The following FABP6 variants were observed in gnomAD, a reference collection of about 807,000 sequenced individuals.
FABP6 encodes fatty acid binding protein 6.
In FABP6, 13 loss-of-function variants were observed where a neutral mutation model predicts 14.9. That is an observed-to-expected ratio of 0.87 (90% CI 0.57 to 1.39). The LOEUF (loss-of-function observed/expected upper bound fraction) is 1.39, where lower values mean the gene tolerates loss of function less well. Ranked by LOEUF, FABP6 falls within the 40% of genes most tolerant of loss-of-function variation. The pLI is 0.00. For synonymous variants in FABP6, 75 were observed against 63.6 expected (o/e 1.18, Z -0.85); for missense variants, 161 against 167.2 (o/e 0.96, Z 0.20).
At chr5:160,193,744 G>A (rs1161824613) in intron 1 of FABP6, among the ~76,000 whole-genome samples, 1 of 152,138 alleles carries the variant, frequency 6.6e-6, no homozygotes, top group South Asian at 2.1e-4. Context: ...GAGCTAGATA[G>A]AGAGTGCCGA....
At chr5:160,221,343 C>T (rs1246167976) in intron 3 of FABP6, among the ~76,000 whole-genome samples, 3 of 151,944 alleles carry the variant, frequency 2.0e-5, no homozygotes, top group Non-Finnish European at 4.4e-5. Flanking sequence ...ATCAAAAAAG[C>T]CTGATTGGAG....
At chr5:160,208,811 C>T (rs1278667862) in intron 2 of FABP6, among the ~76,000 whole-genome samples, 2 of 147,560 alleles carry the variant, frequency 1.4e-5, no homozygotes, top group African/African-American at 2.5e-5. Context: ...GAGTCTCACT[C>T]TGTTGCCCAG....
At chr5:160,195,599 C>T (rs947373956) in intron 1 of FABP6, 2 of 152,272 alleles carry the variant, frequency 1.3e-5, no homozygotes, top group African/African-American at 4.8e-5. Context: ...AGACTACAGT[C>T]ATGCACCACC....
intron 3 of FABP6, among the ~76,000 whole-genome samples, chr5:160,236,352 G>A (rs569371613): frequency 4.6e-5 from 7 of 152,172 alleles, no homozygotes; most frequent in Admixed American, 4.6e-4. Context: ...ATCCTTCATG[G>A]GGACTCCACT....
At chr5:160,212,994 G>T (rs1294618185) in intron 2 of FABP6, among the ~76,000 whole-genome samples, 1 of 152,182 alleles carries the variant, frequency 6.6e-6, no homozygotes, top group Non-Finnish European at 1.5e-5. Flanking sequence ...GAAGGCACAT[G>T]AGCTGGGTAG....
At chr5:160,236,457 G>A (rs998336359) in intron 3 of FABP6, among the ~76,000 whole-genome samples, 5 of 152,084 alleles carry the variant, frequency 3.3e-5, no homozygotes, top group South Asian at 2.1e-4. Flanking sequence ...GGGGACACAC[G>A]CGCAGTCCAT....
chr5:160,195,480 G>A (rs1759491728), intron 1 of FABP6, among the ~76,000 whole-genome samples: 1 of 151,884 alleles, frequency 6.6e-6, no homozygotes, highest in Admixed American at 6.6e-5. Flanking sequence ...TTTGAGACAG[G>A]GACACGTTCT....
intron 3 of FABP6, among the ~76,000 whole-genome samples, chr5:160,238,373 G>A (rs191418011): frequency 6.6e-6 from 1 of 152,292 alleles, no homozygotes; most frequent in East Asian, 1.9e-4. Context: ...AGGAAAAGAG[G>A]TGCAGGGTTC....
intron 3 of FABP6, among the ~76,000 whole-genome samples, chr5:160,219,740 C>T (rs991796193): frequency 5.9e-5 from 9 of 152,124 alleles, no homozygotes; most frequent in Admixed American, 1.3e-4. Flanking sequence ...GGGAGTTAAG[C>T]GGGGGCCTGG....
chr5:160,216,883 T>C (rs985589526), intron 3 of FABP6, among the ~76,000 whole-genome samples: 1 of 152,170 alleles, frequency 6.6e-6, no homozygotes, highest in African/African-American at 2.4e-5. Context: ...GCAATCAGTC[T>C]CCAAGACCCT....
At chr5:160,215,064 TA>T (rs1307075743) in intron 3 of FABP6, among the ~76,000 whole-genome samples, 8 of 152,186 alleles carry the variant, frequency 5.3e-5, no homozygotes, top group African/African-American at 1.9e-4. Context: ...TGTTAACACA[TA>T]GTTTTGAATA....
Position 160,191,679 on chromosome 5 carries a change from C to T in FABP6, c.-59+4225C>T, listed in dbSNP as rs1436956769. On this transcript the variant is annotated intron_variant, in intron 1 of 6. Coordinates refer to the FABP6 transcript ENST00000393980. ...AAGGCTGGTGTTGAGATCCTGGGCT[C>T]GGCCGGGCGCGGTGGCTCACGCCTG... 4.0e-5 allele frequency among the ~76,000 whole-genome samples: 6 copies of T among 151,384 alleles called. No homozygotes were observed. In the South Asian group the frequency reaches 8.4e-4, roughly 21 times the overall value.
rs182555455 is a variant in FABP6, at chr5:160,190,358, G to A, written c.-59+2904G>A. On this transcript the variant is annotated intron_variant, in intron 1 of 6. Coordinates refer to the FABP6 transcript ENST00000393980. ...AGTGATTCTCCTCCCTTAGCCTCCC[G>A]AGTAGCTGGGATTACAGGCATGCAC... Among the ~76,000 whole-genome samples, 1,039 of 152,120 alleles carry A rather than the reference G, an allele frequency of 6.8e-3. 7 individuals carry two copies. Among genetic ancestry groups the A allele is most frequent in the Non-Finnish European group, 0.011 (775 of 67,994 alleles).
intron 1 of FABP6, 22 bp from the exon 2 acceptor site, chr5:160,232,075 AC>A: frequency 6.2e-7 from 1 of 1,612,394 alleles, no homozygotes; most frequent in East Asian, 2.2e-5. Context: ...TTATATGGCT[AC>A]TCTGCTTGTC....
At chr5:160,231,106 A>G (rs1202597995) in intron 1 of FABP6, among the ~76,000 whole-genome samples, 1 of 152,176 alleles carries the variant, frequency 6.6e-6, no homozygotes, top group East Asian at 1.9e-4. Flanking sequence ...CTTGGTGGCC[A>G]CTTCTTGCCT....
chr5:160,202,546 C>T (rs149328725), intron 2 of FABP6, among the ~76,000 whole-genome samples: 1 of 152,094 alleles, frequency 6.6e-6, no homozygotes, highest in East Asian at 1.9e-4. Context: ...CCCGTAATCC[C>T]AGCACTTTGG....
intron 1 of FABP6, among the ~76,000 whole-genome samples, chr5:160,230,804 G>A (rs4244408): frequency 0.92 from 139,335 of 152,116 alleles, 63,896 homozygotes; most frequent in East Asian, 1. Context: ...CATCCTGCCT[G>A]GGAGAGGAAA....
At chr5:160,235,834 G>A (rs1419785212) in intron 3 of FABP6, among the ~76,000 whole-genome samples, 1 of 151,968 alleles carries the variant, frequency 6.6e-6, no homozygotes, top group Admixed American at 6.6e-5. Context: ...CTGTCAAGAG[G>A]AAAGGAGCAC....
chr5:160,211,817 G>A (rs916738459), intron 2 of FABP6, among the ~76,000 whole-genome samples: 7 of 152,084 alleles, frequency 4.6e-5, no homozygotes, highest in African/African-American at 1.7e-4. Flanking sequence ...TGCCTGAGCC[G>A]ACCAACAAGT....
Sources: gnomAD v4.1 joint callset for allele counts (sites outside exome capture counted in the v4.1 genomes callset) on GRCh38, gnomAD v4.1.1 for gene constraint, MANE v1.5 for transcripts, NCBI Gene and HGNC (gene_info 2026-07-23, HGNC 2026-07-21) for gene names.